The following PPP1R13B variants were observed in gnomAD, a reference collection of about 807,000 sequenced individuals.
PPP1R13B encodes apoptosis-stimulating of p53 protein 1.
Under a neutral mutation model 119.8 loss-of-function variants are expected in PPP1R13B, and 44 were observed. The observed-to-expected ratio is 0.37, with a 90% CI of 0.29 to 0.47. The LOEUF is 0.47. PPP1R13B is among the 20% of genes least tolerant of loss of function. The pLI, the probability that PPP1R13B is intolerant of heterozygous loss-of-function variation, is 0.99. For missense variants in PPP1R13B, 1,227 were observed against 1,413.5 expected (o/e 0.87, Z 2.12); for synonymous variants, 542 against 561.5 (o/e 0.97, Z 0.49).
chr14:103,733,999 GA>G lies in PPP1R13B; in HGVS notation c.*1154del, dbSNP rs897659265. ...AGCCTAAGGGCCTGTATTTTAATGA[GA>G]AAAAAAAAATTTCCAACATAGTTCG... On this transcript the variant is annotated 3_prime_UTR_variant, in exon 17 of 17. Transcript: ENST00000202556. 286 of 159,076 alleles carry G rather than the reference GA, an allele frequency of 1.8e-3. 1 individual carries two copies. Among genetic ancestry groups the G allele is most frequent in the Non-Finnish European group, 2.2e-3 (155 of 71,756 alleles). 9.9% of individuals were successfully genotyped at this position (159,076 alleles called of 1,614,324 possible).
In PPP1R13B at chr14:103,771,475, CTTTTTTT is replaced by C. The variant is rs57795299; in HGVS notation, c.354+7263_354+7269del. On this transcript the variant is annotated intron_variant, in intron 4 of 16. Coordinates refer to ENST00000202556, the MANE Select transcript of PPP1R13B (RefSeq NM_015316.3). ...TAAGAAGATTTAAGAACTAACACTT[CTTTTTTT>C]TTTTTTTTTTTTTTTGAGATGAAGT... 1.3e-4 allele frequency among the ~76,000 whole-genome samples: 13 copies of C among 96,974 alleles called. 1 individual carries two copies. Among genetic ancestry groups the C allele is most frequent in the African/African-American group, 5.4e-4 (13 of 24,146 alleles). 63.6% of individuals were successfully genotyped at this position (96,974 alleles called of 152,430 possible).
At chr14:103,827,016 A>C (rs977063423) in intron 1 of PPP1R13B, among the ~76,000 whole-genome samples, 1 of 149,448 alleles carries the variant, frequency 6.7e-6, no homozygotes, top group Non-Finnish European at 1.5e-5. Context: ...CATCTCAAAA[A>C]AAAAAAGGCA....
intron 1 of PPP1R13B, among the ~76,000 whole-genome samples, chr14:103,813,098 T>C (rs1050039851): frequency 1.3e-5 from 2 of 152,212 alleles, no homozygotes; most frequent in African/African-American, 4.8e-5. Context: ...AAAACCTGCA[T>C]GTGAATGTTT....
intron 16 of PPP1R13B, 21 bp downstream of exon 16, chr14:103,735,982 G>A (rs749545371): frequency 2.5e-6 from 4 of 1,613,408 alleles, no homozygotes; most frequent in South Asian, 1.1e-5. Flanking sequence ...TAGTTTCCCA[G>A]TAAGTAACCT....
chr14:103,831,765 G>A (rs940551270), intron 1 of PPP1R13B, among the ~76,000 whole-genome samples: 4 of 151,872 alleles, frequency 2.6e-5, no homozygotes, highest in East Asian at 1.9e-4. Flanking sequence ...GTGAAACCCC[G>A]TCTCTACTAA....
chr14:103,750,199 T>G (rs2084504744), intron 7 of PPP1R13B, among the ~76,000 whole-genome samples: 1 of 151,876 alleles, frequency 6.6e-6, no homozygotes, highest in Non-Finnish European at 1.5e-5. Flanking sequence ...TACAGGAGAC[T>G]AGTGCGGTGT....
chr14:103,746,657 G>A, intron 8 of PPP1R13B, 104 bp from the exon 9 acceptor site: 3 of 1,100,846 alleles, frequency 2.7e-6, no homozygotes, highest in East Asian at 2.8e-5. Flanking sequence ...CTCACTCAGT[G>A]GTTGGTTTTT....
At chr14:103,845,203 C>A (rs562172719) in intron 1 of PPP1R13B, among the ~76,000 whole-genome samples, 1 of 149,264 alleles carries the variant, frequency 6.7e-6, no homozygotes, top group South Asian at 2.1e-4. Context: ...ACCAAATATA[C>A]AATAAATCGA....
At chr14:103,763,500 TAGAG>T (rs369701340) in intron 4 of PPP1R13B, among the ~76,000 whole-genome samples, 2 of 152,134 alleles carry the variant, frequency 1.3e-5, no homozygotes, top group East Asian at 3.8e-4. Flanking sequence ...TTAAGTTGAA[TAGAG>T]AGTTGACTTA....
In PPP1R13B at chr14:103,742,590, C is replaced by T. The variant is rs2084286664; in HGVS notation, c.1320+64G>A. On this transcript the variant is annotated intron_variant, in intron 10 of 16. Coordinates refer to ENST00000202556, the MANE Select transcript of PPP1R13B (RefSeq NM_015316.3). This position sits in a 1 kb window ranked among gnomAD's most constrained non-coding sequence, Gnocchi z 4.9. ...ACAAGTCATACCCTTTAGCTTAGTA[C>T]TAAGGCAGAAGAGAGCCCTGTTGAA... 22 of 1,565,280 alleles carry T rather than the reference C, an allele frequency of 1.4e-5. No homozygotes were observed. The South Asian group carries it at 2.4e-4, about 17-fold the overall frequency.
At chr14:103,780,826 A>C (rs1299843523) in intron 3 of PPP1R13B, among the ~76,000 whole-genome samples, 1 of 151,944 alleles carries the variant, frequency 6.6e-6, no homozygotes, top group East Asian at 1.9e-4. Flanking sequence ...AAAAAAAAGA[A>C]AGGAAAAGAA....
chr14:103,826,230 T>C (rs2086538604), intron 1 of PPP1R13B, among the ~76,000 whole-genome samples: 1 of 152,198 alleles, frequency 6.6e-6, no homozygotes, highest in Non-Finnish European at 1.5e-5. Context: ...CTCACTTTAT[T>C]GCGATTATTT....
At chr14:103,735,911 A>G in intron 16 of PPP1R13B, 92 bp downstream of exon 16, 1 of 1,403,070 alleles carries the variant, frequency 7.1e-7, no homozygotes. Context: ...AGAGAAGCGA[A>G]GCCTCCCTCC....
chr14:103,742,948 G>A lies in PPP1R13B; in HGVS notation c.1151-125C>T, dbSNP rs977235147. On this transcript the variant is annotated intron_variant, in intron 9 of 16. Coordinates refer to ENST00000202556, the MANE Select transcript of PPP1R13B (RefSeq NM_015316.3). This position sits in a 1 kb window ranked among gnomAD's most constrained non-coding sequence, Gnocchi z 4.9. The stretch of plus-strand genomic sequence containing the variant: ...CCATTCTGATGCAGATCCATTAACC[G>A]AGTGGTCAACCACCAGCCACATGCA... 18 of 1,139,936 alleles carry A rather than the reference G, an allele frequency of 1.6e-5. No individual in the cohort carries two copies. The highest frequency in any genetic ancestry group is 4.2e-5 in the Admixed American group (2 of 47,158). The allele number at this position is 1,139,936 out of a possible 1,614,324, so 70.6% of individuals were successfully genotyped here. A position where few individuals can be genotyped will look rare whatever the true frequency, so the allele number is the denominator to read the frequency against.
rs978385018 is a variant in PPP1R13B at position 103,840,968 on chromosome 14, A to C, written c.9+6331T>G. On this transcript the variant is annotated intron_variant, in intron 1 of 16. Transcript: ENST00000202556. ...TGTAACAAAATATCACATATACCTCAGAAACATATATAAACATATTAATTA... is the reference window on the plus strand; with the variant it reads ...TGTAACAAAATATCACATATACCTCCGAAACATATATAAACATATTAATTA... 3.9e-5 allele frequency among the ~76,000 whole-genome samples: 6 copies of C among 152,042 alleles called. No individual in the cohort carries two copies. The East Asian group carries it at 1.2e-3, about 29-fold the overall frequency.
intron 4 of PPP1R13B, among the ~76,000 whole-genome samples, chr14:103,761,143 G>C (rs138001560): frequency 6.6e-6 from 1 of 151,808 alleles, no homozygotes; most frequent in African/African-American, 2.4e-5. Flanking sequence ...GAATGGTAGC[G>C]GGCACCTGTA....
chr14:103,735,923 C>T (rs1023399277), intron 16 of PPP1R13B, 80 bp downstream of exon 16: 35 of 1,489,126 alleles, frequency 2.4e-5, no homozygotes, highest in African/African-American at 5.5e-5. Flanking sequence ...CCTCCCTCCC[C>T]AGCCCCACAG....
chr14:103,811,794 C>A (rs1346319040), intron 1 of PPP1R13B, among the ~76,000 whole-genome samples: 1 of 151,610 alleles, frequency 6.6e-6, no homozygotes, highest in Non-Finnish European at 1.5e-5. Flanking sequence ...CAGTGGCTCA[C>A]ACCTGTAATC....
chr14:103,798,758 A>G (rs1245618207), intron 1 of PPP1R13B, among the ~76,000 whole-genome samples: 1 of 152,164 alleles, frequency 6.6e-6, no homozygotes, highest in African/African-American at 2.4e-5. Context: ...GCTGGAGTGC[A>G]GTGGCGTGAT....
Sources: gnomAD v4.1 joint callset for allele counts (sites outside exome capture counted in the v4.1 genomes callset) on GRCh38, gnomAD v4.1.1 for gene constraint, Gnocchi (gnomAD v3.1) non-coding constraint, MANE v1.5 for transcripts, NCBI Gene and HGNC (gene_info 2026-07-23, HGNC 2026-07-21) for gene names.